Variants in SGO1 observed in about 807,000 individuals in gnomAD.
SGO1 encodes the protein shugoshin 1.
A neutral mutation model predicts 50.5 loss-of-function variants in SGO1; 39 were observed. The observed-to-expected ratio is 0.77, with a 90% CI of 0.60 to 1.01. The LOEUF is 1.01. Among genes scored for constraint, SGO1 ranks in the 50% least tolerant of loss-of-function variants. The probability of loss-of-function intolerance (pLI) is 0.00; values close to 1 mark genes in which losing one functional copy is unlikely to be tolerated. For missense variants in SGO1, 638 were observed against 606.0 expected (o/e 1.05, Z -0.55); for synonymous variants, 191 against 205.1 (o/e 0.93, Z 0.59).
intron 3 of SGO1, among the ~76,000 whole-genome samples, chr3:20,179,436 T>G (rs780420551): frequency 3.6e-5 from 5 of 138,370 alleles, no homozygotes; most frequent in African/African-American, 5.4e-5. Flanking sequence ...CATTCATTCA[T>G]TTTTTTGAAA....
At chr3:20,174,159 A>T in intron 6 of SGO1, 90 bp downstream of exon 6, 1 of 1,052,720 alleles carries the variant, frequency 9.5e-7, no homozygotes. Context: ...CCTCCACCAG[A>T]GAAACAGATG....
Position 20,178,251 on chromosome 3 carries a change from A to C in SGO1, c.416+20T>G. On this transcript the variant is annotated intron_variant, in intron 4 of 7. Transcript: ENST00000412997. ...ACCTTTCTTAGTATTAATAATCATGATAAAGAATTTGATACTAACGGTAAA... is the reference window on the plus strand; with the variant it reads ...ACCTTTCTTAGTATTAATAATCATGCTAAAGAATTTGATACTAACGGTAAA... 6.5e-7 allele frequency: 1 copy of C among 1,533,680 alleles called. No individual in the cohort carries two copies. Among genetic ancestry groups the C allele is most frequent in the South Asian group, 1.1e-5 (1 of 89,220 alleles).
intron 8 of SGO1, among the ~76,000 whole-genome samples, chr3:20,164,321 G>A (rs1033032978): frequency 6.6e-6 from 1 of 151,650 alleles, no homozygotes; most frequent in African/African-American, 2.4e-5. Context: ...GAGAATAAAG[G>A]AGAAAAAAAT....
At chr3:20,168,427 CTT>C (rs112112060), downstream of SGO1, among the ~76,000 whole-genome samples, 3,162 of 135,010 alleles carry the variant, frequency 0.023, 116 homozygotes, top group African/African-American at 0.078. Flanking sequence ...CAAATGTTTG[CTT>C]TTTTTTTTTT....
At chr3:20,182,356 C>G (rs888602889) in intron 3 of SGO1, among the ~76,000 whole-genome samples, 9 of 152,056 alleles carry the variant, frequency 5.9e-5, no homozygotes, top group Admixed American at 2.6e-4. Context: ...ATATCCCTCC[C>G]CTAATCACAA....
chr3:20,169,397 G>A (rs1700496983), downstream of SGO1: 2 of 984,832 alleles, frequency 2.0e-6, no homozygotes, highest in Non-Finnish European at 2.4e-6. Flanking sequence ...CCAAGGGGAG[G>A]GGAGAGGAAA....
Position 20,172,501 on chromosome 3 carries a change from C to CAAA in SGO1, c.1283-1272_1283-1270dup, listed in dbSNP as rs60237637. Among the ~76,000 whole-genome samples the CAAA allele has an allele frequency of 4.7e-4, 48 of 102,532 alleles. 1 individual carries two copies. The highest frequency in any genetic ancestry group is 8.1e-4 in the African/African-American group (23 of 28,354). The allele number at this position is 102,532 out of a possible 152,430, so 67.3% of individuals were successfully genotyped here. On this transcript the variant is annotated intron_variant, in intron 6 of 7. Transcript: ENST00000412997. Reference sequence around the variant, plus strand: ...GGGCAACAAGAGTGAAACTCTGTTTCAAAAAAAAAAAAAAAAAAAAGATGC... The same window carrying CAAA: ...GGGCAACAAGAGTGAAACTCTGTTTCAAAAAAAAAAAAAAAAAAAAAAAGATGC...
intron 6 of SGO1, among the ~76,000 whole-genome samples, chr3:20,172,239 C>A (rs935303132): frequency 1.3e-5 from 2 of 152,188 alleles, no homozygotes; most frequent in East Asian, 1.9e-4. Context: ...CGGTGGCTCA[C>A]GCCAGTAATC....
At chr3:20,165,513 C>G (rs1168112443), downstream of SGO1, among the ~76,000 whole-genome samples, 2 of 152,058 alleles carry the variant, frequency 1.3e-5, no homozygotes, top group South Asian at 2.1e-4. Flanking sequence ...TAAACAGATT[C>G]AAGAAGAATT....
At chr3:20,181,764 A>C (rs902502543) in intron 3 of SGO1, among the ~76,000 whole-genome samples, 4 of 152,202 alleles carry the variant, frequency 2.6e-5, no homozygotes, top group African/African-American at 9.7e-5. Flanking sequence ...ATTAGAAAAG[A>C]TTACATTCTG....
chr3:20,184,098 A>G, intron 1 of SGO1, 64 bp from the exon 2 acceptor site: 1 of 1,342,642 alleles, frequency 7.4e-7, no homozygotes, highest in South Asian at 1.5e-5. Flanking sequence ...TAAAAAACAT[A>G]GGCTGTTCAT....
intron 4 of SGO1, 97 bp from the exon 5 acceptor site, chr3:20,176,756 C>T: frequency 1.3e-6 from 1 of 788,706 alleles, no homozygotes; most frequent in Non-Finnish European, 2.0e-6. Flanking sequence ...CCTTTAGTAT[C>T]ATTTCATAAT....
downstream of SGO1, among the ~76,000 whole-genome samples, chr3:20,165,024 TC>T (rs1054545539): frequency 1.3e-5 from 2 of 152,228 alleles, no homozygotes; most frequent in African/African-American, 4.8e-5. Flanking sequence ...GTTTCTTAGT[TC>T]ATTTGTGTTG....
intron 8 of SGO1, among the ~76,000 whole-genome samples, chr3:20,161,780 A>G (rs1290888656): frequency 1.3e-5 from 2 of 152,218 alleles, no homozygotes; most frequent in African/African-American, 4.8e-5. Context: ...AATATTTATA[A>G]GCATAGTGAA....
intron 7 of SGO1, 81 bp downstream of exon 7, chr3:20,170,962 T>G (rs916344106): frequency 1.4e-6 from 2 of 1,477,536 alleles, no homozygotes. Flanking sequence ...CAGAAAAAAC[T>G]CATTCTTGAA....
intron 6 of SGO1, among the ~76,000 whole-genome samples, chr3:20,172,599 C>CG (rs1267378712): frequency 6.6e-6 from 1 of 151,170 alleles, no homozygotes; most frequent in Non-Finnish European, 1.5e-5. Context: ...GGATTAAACT[C>CG]TGAGTAATAC....
At chr3:20,181,085 AG>A (rs1373448662) in intron 3 of SGO1, among the ~76,000 whole-genome samples, 1 of 152,202 alleles carries the variant, frequency 6.6e-6, no homozygotes, top group Admixed American at 6.5e-5. Flanking sequence ...TGAGCCTGGG[AG>A]GTGAAGGCTG....
At chr3:20,175,116 GA>G in intron 5 of SGO1, 61 bp from the exon 6 acceptor site, 1 of 1,350,970 alleles carries the variant, frequency 7.4e-7, no homozygotes, top group African/African-American at 1.5e-5. Context: ...TGAATTTCAA[GA>G]ACTTTAGAAT....
intron 5 of SGO1, 97 bp from the exon 6 acceptor site, chr3:20,175,152 AAAGGTCATTC>A: frequency 8.2e-7 from 1 of 1,218,348 alleles, no homozygotes; most frequent in East Asian, 2.8e-5. Context: ...TGAATGACCA[AAAGGTCATTC>A]TGTAGTTTTC....
Sources: allele counts gnomAD v4.1 joint callset (sites outside exome capture counted in the v4.1 genomes callset), GRCh38; gene constraint gnomAD v4.1.1; transcripts MANE v1.5; gene names NCBI Gene and HGNC (gene_info 2026-07-23, HGNC 2026-07-21).